The following UBA52 variants were observed in gnomAD, a reference collection of about 807,000 sequenced individuals.
The protein encoded by UBA52 is ubiquitin A-52 residue ribosomal protein fusion product 1, also known as ubiquitin-ribosomal protein eL40 fusion protein.
In UBA52, 1 loss-of-function variant was observed where a neutral mutation model predicts 15.3. That is an observed-to-expected ratio of 0.07 (90% CI 0.02 to 0.31). The LOEUF is 0.31. UBA52 is among the 10% of genes least tolerant of loss of function. UBA52 has a pLI of 1.00. For synonymous variants in UBA52, 50 were observed against 58.3 expected, an observed-to-expected ratio of 0.86 and a Z score of 0.65; for missense variants, 87 against 168.0, an observed-to-expected ratio of 0.52 and a Z score of 2.66.
upstream of UBA52, chr19:18,569,092 C>T (rs1025429450): frequency 3.0e-5 from 5 of 168,018 alleles, no homozygotes; most frequent in Admixed American, 1.1e-4. Flanking sequence ...CCCCTTGCTC[C>T]GTAAAAGTAT....
upstream of UBA52, among the ~76,000 whole-genome samples, chr19:18,571,090 C>A (rs1045032849): frequency 6.6e-6 from 1 of 151,218 alleles, no homozygotes; most frequent in Non-Finnish European, 1.5e-5. Flanking sequence ...GCGGGCGGAT[C>A]ACCTGAGGTC....
Position 18,574,969 on chromosome 19 carries a change from G to A in UBA52, c.290G>A (p.Arg97His). 1.2e-6 allele frequency: 2 copies of A among 1,614,178 alleles called. No homozygotes were observed. Among genetic ancestry groups the A allele is most frequent in the Non-Finnish European group, 8.5e-7 (1 of 1,180,034 alleles). ...QKYNCDKMIC[R>H]KCYARLHPRA... The stretch of plus-strand genomic sequence containing the variant: ...TACAACTGCGACAAGATGATCTGCC[G>A]CAAGTATGTGTGCTCCGATGCTTGG... The change falls in exon 4 of 5, where the codon CGC (arginine) becomes CAC (histidine). Residue 97 changes from arginine (R) to histidine (H), a missense_variant. By Grantham distance (29) the Arg-to-His change is conservative. Coordinates refer to ENST00000442744, the MANE Select transcript of UBA52 (RefSeq NM_001033930.3).
At chr19:18,574,658 C>G (rs536108354) in intron 3 of UBA52, among the ~76,000 whole-genome samples, 1 of 152,310 alleles carries the variant, frequency 6.6e-6, no homozygotes, top group East Asian at 1.9e-4. Flanking sequence ...AGACTCCCCC[C>G]AGGGCTCGTG....
At chr19:18,568,994 C>T (rs186346499), upstream of UBA52, 258 of 282,570 alleles carry the variant, frequency 9.1e-4, no homozygotes, top group African/African-American at 3.3e-3. Flanking sequence ...CCCCCACCAC[C>T]GGTCAGGACC....
At chr19:18,565,524 G>A in the UBA52 span, among the ~76,000 whole-genome samples, 8 of 151,366 alleles carry the variant, frequency 5.3e-5, no homozygotes, top group African/African-American at 1.5e-4. Context: ...GAGCCACTGC[G>A]CCCGGCCGAG....
At chr19:18,570,554 C>T (rs965405035), upstream of UBA52, among the ~76,000 whole-genome samples, 3 of 147,224 alleles carry the variant, frequency 2.0e-5, no homozygotes, top group Non-Finnish European at 3.0e-5. Flanking sequence ...ACTCTGTCAC[C>T]CAGGCTGGGT....
intron 1 of UBA52, 75 bp from the exon 2 acceptor site, chr19:18,573,217 TG>T: frequency 7.2e-7 from 1 of 1,393,302 alleles, no homozygotes; most frequent in Non-Finnish European, 1.0e-6. Context: ...ATAGCAACTG[TG>T]GTGTAGGCAC....
At chr19:18,572,522 G>A (rs943152179) in intron 1 of UBA52, 5 of 152,446 alleles carry the variant, frequency 3.3e-5, no homozygotes, top group African/African-American at 1.2e-4. Context: ...TAGAGACGGA[G>A]TTTCACCATG....
chr19:18,567,869 G>T (rs1600597437), upstream of UBA52, among the ~76,000 whole-genome samples: 1 of 152,188 alleles, frequency 6.6e-6, no homozygotes, highest in Non-Finnish European at 1.5e-5. Flanking sequence ...TCGCCCTCAG[G>T]GCTCCTGTAG....
chr19:18,565,670 C>T, the UBA52 span, among the ~76,000 whole-genome samples: 1 of 151,886 alleles, frequency 6.6e-6, no homozygotes, highest in African/African-American at 2.4e-5. Context: ...TACTGTACCA[C>T]ACCCAGCTAA....
Position 18,575,174 on chromosome 19 carries a change from GCCT to G in UBA52, c.*28_*30del, listed in dbSNP as rs775622828. The G allele has an allele frequency of 3.7e-6, 6 of 1,613,566 alleles. No individual in the cohort carries two copies. In the South Asian group the frequency reaches 6.6e-5, roughly 18 times the overall value. The stretch of plus-strand genomic sequence containing the variant: ...AAGGTGGTTCTTTCCTTGAAGGGCA[GCCT>G]CCTGCCCAGGCCCCGTGGCCCTGGA... On this transcript the variant is annotated 3_prime_UTR_variant, in exon 5 of 5. Transcript: ENST00000442744.
chr19:18,567,475 C>T (rs549117909), upstream of UBA52, among the ~76,000 whole-genome samples: 1 of 152,220 alleles, frequency 6.6e-6, no homozygotes, highest in Admixed American at 6.5e-5. Context: ...GAACAGAGCA[C>T]GGGCTCATGT....
rs1039950256 is a variant in UBA52 at position 18,573,887 on chromosome 19, A to G, written c.190+139A>G. On this transcript the variant is annotated intron_variant, in intron 3 of 4. Coordinates refer to ENST00000442744, the MANE Select transcript of UBA52 (RefSeq NM_001033930.3). ...ATAATGGGACTGGGCACAGTGGCTC[A>G]TGCCTGTAATCCCGGCACTTTGGGA... 84 of 802,158 alleles carry G rather than the reference A, an allele frequency of 1.0e-4. 1 individual carries two copies. In the South Asian group the frequency reaches 1.4e-3, roughly 14 times the overall value. The allele number at this position is 802,158 out of a possible 1,614,324, so 49.7% of individuals were successfully genotyped here.
At chr19:18,567,187 C>A (rs201235922), upstream of UBA52, 193 of 1,614,024 alleles carry the variant, frequency 1.2e-4, no homozygotes, top group African/African-American at 2.1e-3. Flanking sequence ...CCGTAAGTGT[C>A]ACGCAGGGTT....
At chr19:18,563,947 C>T in the UBA52 span, among the ~76,000 whole-genome samples, 2 of 151,916 alleles carry the variant, frequency 1.3e-5, no homozygotes, top group Non-Finnish European at 2.9e-5. Flanking sequence ...AGTGCAGTGG[C>T]GCAATCTCAG....
rs1383971580 is a variant in UBA52, at chr19:18,577,063, G to C, written c.*1913G>C. ...ACTGGGTCCAAGCAGTTCTGCCGCA[G>C]CCTCCCAAAGTGCTGGGATTACAGG... On this transcript the variant is annotated 3_prime_UTR_variant, in exon 5 of 5. Coordinates refer to ENST00000442744, the MANE Select transcript of UBA52 (RefSeq NM_001033930.3). 3 of 147,232 alleles carry C rather than the reference G, an allele frequency of 2.0e-5. No homozygotes were observed. The highest frequency in any genetic ancestry group is 1.4e-4 in the Admixed American group (2 of 14,176). The allele number at this position is 147,232 out of a possible 1,614,324, so 9.1% of individuals were successfully genotyped here. A position where few individuals can be genotyped will look rare whatever the true frequency, so the allele number is the denominator to read the frequency against.
At chr19:18,569,661 C>T (rs1975415168), upstream of UBA52, among the ~76,000 whole-genome samples, 1 of 151,392 alleles carries the variant, frequency 6.6e-6, no homozygotes, top group Non-Finnish European at 1.5e-5. Flanking sequence ...CAGCCTTCCT[C>T]CAGATAGGGG....
chr19:18,575,592 ATTT>A lies in UBA52; in HGVS notation c.*447_*449del, dbSNP rs955749183. On this transcript the variant is annotated 3_prime_UTR_variant, in exon 5 of 5. Coordinates refer to ENST00000442744, the MANE Select transcript of UBA52 (RefSeq NM_001033930.3). ...AATGGTGTAGAACGTTGATTCTCAA[ATTT>A]TTTTATTTTATACAAATGGGGTCTC... 5.3e-6 allele frequency: 1 copy of A among 188,936 alleles called. No individual in the cohort carries two copies. Among genetic ancestry groups the A allele is most frequent in the African/African-American group, 2.4e-5 (1 of 42,050 alleles). The allele number at this position is 188,936 out of a possible 1,614,324, so 11.7% of individuals were successfully genotyped here.
At chr19:18,570,917 C>G (rs956294985), upstream of UBA52, among the ~76,000 whole-genome samples, 2 of 151,106 alleles carry the variant, frequency 1.3e-5, no homozygotes, top group Non-Finnish European at 2.9e-5. Context: ...GAACTCCCGA[C>G]CTCAGGTGAT....
Sources: allele counts gnomAD v4.1 joint callset (sites outside exome capture counted in the v4.1 genomes callset), GRCh38; gene constraint gnomAD v4.1.1; transcripts MANE v1.5; gene names NCBI Gene and HGNC (gene_info 2026-07-23, HGNC 2026-07-21).